MEIS2: variants seen among roughly 807,000 people sequenced by gnomAD.
The protein encoded by MEIS2 is Meis homeobox 2.
A neutral mutation model predicts 58.6 loss-of-function variants in MEIS2; 9 were observed. The observed-to-expected ratio is 0.15, with a 90% CI of 0.09 to 0.27. MEIS2 has a LOEUF of 0.27. MEIS2 is among the 10% of genes least tolerant of loss of function. The pLI, the probability that MEIS2 is intolerant of heterozygous loss-of-function variation, is 1.00. For synonymous variants in MEIS2, 221 were observed against 228.4 expected, an observed-to-expected ratio of 0.97 and a Z score of 0.29; for missense variants, 427 against 635.0, an observed-to-expected ratio of 0.67 and a Z score of 3.52.
chr15:36,953,103 A>G (rs1003181624), intron 8 of MEIS2, among the ~76,000 whole-genome samples: 13 of 152,162 alleles, frequency 8.5e-5, no homozygotes, highest in African/African-American at 3.1e-4. Context: ...TGCTCTGGCA[A>G]TCAGCCACTA....
intron 1 of MEIS2, chr15:37,098,511 A>G: frequency 1.5e-6 from 1 of 645,218 alleles, no homozygotes; most frequent in East Asian, 4.1e-5. Context: ...AAAACAACGG[A>G]GTTAAAAGTT....
At chr15:36,928,438 C>A (rs1388262829) in intron 9 of MEIS2, among the ~76,000 whole-genome samples, 1 of 152,100 alleles carries the variant, frequency 6.6e-6, no homozygotes, top group Non-Finnish European at 1.5e-5. Context: ...AGCTGAGGGA[C>A]CAAGTTCAGG....
intron 7 of MEIS2, among the ~76,000 whole-genome samples, chr15:37,069,408 A>G (rs1258141150): frequency 6.6e-6 from 1 of 152,218 alleles, no homozygotes. Flanking sequence ...ATCTTGCAGA[A>G]AGTCTCTTGA....
intron 8 of MEIS2, among the ~76,000 whole-genome samples, chr15:37,032,513 C>T (rs987243162): frequency 2.0e-5 from 3 of 152,148 alleles, no homozygotes; most frequent in Non-Finnish European, 4.4e-5. Flanking sequence ...AAGGAATGTA[C>T]TTCTCTAGGA....
intron 6 of MEIS2, 90 bp from the exon 7 acceptor site, chr15:37,083,975 AAATGTATACAT>A (rs896286646): frequency 9.6e-7 from 1 of 1,039,350 alleles, no homozygotes; most frequent in Non-Finnish European, 1.5e-6. Flanking sequence ...AGAGACAAAA[AAATGTATACAT>A]ATTAGTATTT....
intron 8 of MEIS2, among the ~76,000 whole-genome samples, chr15:37,030,787 T>C (rs2061887433): frequency 6.6e-6 from 1 of 151,364 alleles, no homozygotes; most frequent in South Asian, 2.1e-4. Context: ...ACCACAGGCA[T>C]GCACCACCAT....
intron 7 of MEIS2, among the ~76,000 whole-genome samples, chr15:37,038,553 G>A (rs1338289337): frequency 6.6e-6 from 1 of 152,190 alleles, no homozygotes; most frequent in Non-Finnish European, 1.5e-5. Context: ...CAGACTGACA[G>A]GCCACTTCAT....
Position 36,965,370 on chromosome 15 carries a change from C to CA in MEIS2, c.901-14971dup, listed in dbSNP as rs1351548531. Among the ~76,000 whole-genome samples the CA allele has an allele frequency of 3.3e-5, 5 of 152,248 alleles. No homozygotes were observed. In the East Asian group the frequency reaches 9.6e-4, roughly 29 times the overall value. On this transcript the variant is annotated intron_variant, in intron 8 of 11. Transcript: ENST00000561208. Reference sequence around the variant, plus strand: ...GATGTGATTAATTATATGAGGTCTACAGTTGCCATCAAAACAATGCAAGGC... The same window carrying CA: ...GATGTGATTAATTATATGAGGTCTACAAGTTGCCATCAAAACAATGCAAGGC...
intron 8 of MEIS2, among the ~76,000 whole-genome samples, chr15:37,031,246 CTG>C (rs994643374): frequency 3.9e-5 from 6 of 152,162 alleles, no homozygotes; most frequent in Admixed American, 6.5e-5. Context: ...CAAAAATCTA[CTG>C]TGTTGCAGAT....
At chr15:36,906,716 G>A (rs1030965882) in intron 9 of MEIS2, among the ~76,000 whole-genome samples, 5 of 150,288 alleles carry the variant, frequency 3.3e-5, no homozygotes, top group Non-Finnish European at 5.9e-5. Flanking sequence ...ACTTCAAAAC[G>A]TCTAATTTCT....
At chr15:37,016,791 C>T (rs1186604667) in intron 8 of MEIS2, among the ~76,000 whole-genome samples, 1 of 152,060 alleles carries the variant, frequency 6.6e-6, no homozygotes, top group African/African-American at 2.4e-5. Context: ...ATGGTGTCCC[C>T]CAAAATAACT....
intron 8 of MEIS2, among the ~76,000 whole-genome samples, chr15:36,954,441 T>G (rs2058880544): frequency 6.8e-6 from 1 of 147,998 alleles, no homozygotes; most frequent in South Asian, 2.1e-4. Flanking sequence ...AATTTTAAAA[T>G]TATAATTAAT....
intron 7 of MEIS2, among the ~76,000 whole-genome samples, chr15:37,061,785 C>A (rs1197083276): frequency 6.6e-6 from 1 of 152,064 alleles, no homozygotes; most frequent in Non-Finnish European, 1.5e-5. Context: ...TTTTCTGAAA[C>A]TTTTCAGAAG....
At chr15:36,944,293 C>T (rs1454970365) in intron 9 of MEIS2, among the ~76,000 whole-genome samples, 2 of 152,010 alleles carry the variant, frequency 1.3e-5, no homozygotes, top group East Asian at 3.9e-4. Flanking sequence ...ATCTCTTTCC[C>T]CGCCTTCTTT....
intron 8 of MEIS2, among the ~76,000 whole-genome samples, chr15:36,976,222 T>C (rs531312919): frequency 1.1e-3 from 164 of 151,998 alleles, no homozygotes; most frequent in African/African-American, 3.7e-3. Flanking sequence ...ATAGCTGGGA[T>C]TACAGGCGGC....
At chr15:36,988,924 A>G (rs1026996190) in intron 8 of MEIS2, among the ~76,000 whole-genome samples, 7 of 152,190 alleles carry the variant, frequency 4.6e-5, no homozygotes, top group African/African-American at 1.7e-4. Flanking sequence ...AGTAACATAC[A>G]GAGGAAAATC....
chr15:37,079,903 G>A (rs929705951), intron 7 of MEIS2, among the ~76,000 whole-genome samples: 1 of 152,064 alleles, frequency 6.6e-6, no homozygotes, highest in Non-Finnish European at 1.5e-5. Context: ...TGGTTAACGT[G>A]CGTGTGGTGT....
At chr15:37,053,563 ACTGTGTGTGAAGGTTCAAAGATT>A (rs1387483646) in intron 7 of MEIS2, among the ~76,000 whole-genome samples, 2 of 152,170 alleles carry the variant, frequency 1.3e-5, no homozygotes, top group African/African-American at 2.4e-5. Context: ...TCTGAGTCAT[ACTGTGTGTGAAGGTTCAAAGATT>A]CTCAAGCAAA....
chr15:36,975,960 G>T (rs923152070), intron 8 of MEIS2, among the ~76,000 whole-genome samples: 4 of 152,104 alleles, frequency 2.6e-5, no homozygotes, highest in African/African-American at 9.7e-5. Flanking sequence ...TTCAAAACAT[G>T]ATGTACACTG....
Sources: allele counts gnomAD v4.1 joint callset (sites outside exome capture counted in the v4.1 genomes callset), GRCh38; gene constraint gnomAD v4.1.1; transcripts MANE v1.5; gene names NCBI Gene and HGNC (gene_info 2026-07-23, HGNC 2026-07-21).